The following RLIG1 variants were observed in gnomAD, a reference collection of about 807,000 sequenced individuals.
The protein encoded by RLIG1 is RNA 5'-phosphate and 3'-OH ligase 1.
the RLIG1 span, chr12:88,050,130 A>G: frequency 5.5e-6 from 2 of 366,696 alleles, no homozygotes; most frequent in African/African-American, 4.3e-5. Context: ...TATTTGTTAC[A>G]ATTAAAAAAT....
chr12:88,049,465 T>C, the RLIG1 span: 17 of 956,436 alleles, frequency 1.8e-5, no homozygotes, highest in South Asian at 2.7e-4. Flanking sequence ...ATACATATTT[T>C]ACGTTTGAAC....
chr12:88,047,617 T>TATCA, the RLIG1 span, among the ~76,000 whole-genome samples: 1 of 152,128 alleles, frequency 6.6e-6, no homozygotes, highest in African/African-American at 2.4e-5. Context: ...ATGCTTTAAC[T>TATCA]ATCATATCAC....
the RLIG1 span, chr12:88,035,923 T>C: frequency 6.6e-7 from 1 of 1,514,762 alleles, no homozygotes; most frequent in Non-Finnish European, 8.8e-7. Context: ...CAGGTTCTTG[T>C]ACTTTTCTTA....
the RLIG1 span, among the ~76,000 whole-genome samples, chr12:88,047,691 A>G: frequency 6.6e-6 from 1 of 152,142 alleles, no homozygotes; most frequent in African/African-American, 2.4e-5. Context: ...ATGAATGAGC[A>G]TATTACTTTC....
At chr12:88,039,560 T>C in the RLIG1 span, among the ~76,000 whole-genome samples, 1 of 152,190 alleles carries the variant, frequency 6.6e-6, no homozygotes, top group Non-Finnish European at 1.5e-5. Flanking sequence ...CCTTTTGTTT[T>C]TTTCCTCAGA....
the RLIG1 span, among the ~76,000 whole-genome samples, chr12:88,041,496 C>G: frequency 2.7e-4 from 41 of 152,292 alleles, no homozygotes; most frequent in Middle Eastern, 6.8e-3. Flanking sequence ...AGCCACTATA[C>G]TGTTTTGCAT....
chr12:88,040,823 C>T, the RLIG1 span, among the ~76,000 whole-genome samples: 3 of 151,730 alleles, frequency 2.0e-5, no homozygotes, highest in African/African-American at 7.3e-5. Flanking sequence ...TATTTTTGGA[C>T]GGTGAGATTA....
At chr12:88,049,218 TC>T in the RLIG1 span, 1 of 1,600,204 alleles carries the variant, frequency 6.2e-7, no homozygotes, top group Non-Finnish European at 8.5e-7. Context: ...ACTTTCTTCT[TC>T]ATCTTCAAAC....
chr12:88,040,291 A>G, the RLIG1 span: 2 of 1,212,212 alleles, frequency 1.6e-6, no homozygotes, highest in African/African-American at 3.1e-5. Context: ...AATATTTACT[A>G]CAAATATTAC....
the RLIG1 span, chr12:88,050,142 A>T: frequency 2.6e-6 from 1 of 382,384 alleles, no homozygotes; most frequent in Non-Finnish European, 4.6e-6. Flanking sequence ...TTAAAAAATA[A>T]ATTTACTACT....
chr12:88,042,058 T>C, the RLIG1 span: 1 of 152,164 alleles, frequency 6.6e-6, no homozygotes, highest in Non-Finnish European at 1.5e-5. Context: ...AAGGACTGTC[T>C]CACAGTAAGG....
the RLIG1 span, chr12:88,036,053 T>G: frequency 7.0e-7 from 1 of 1,419,874 alleles, no homozygotes; most frequent in Admixed American, 2.1e-5. Context: ...TCAGCACCTT[T>G]TGGGGAAACC....
the RLIG1 span, chr12:88,036,044 C>T: frequency 7.0e-7 from 1 of 1,434,760 alleles, no homozygotes; most frequent in Non-Finnish European, 9.2e-7. Context: ...CTTTTCAGGT[C>T]AGCACCTTTT....
chr12:88,044,581 A>G, the RLIG1 span: 2 of 152,206 alleles, frequency 1.3e-5, no homozygotes, highest in Non-Finnish European at 2.9e-5. Context: ...AGTATGATTT[A>G]AGAACTAACA....
chr12:88,048,554 C>T, the RLIG1 span: 2 of 613,338 alleles, frequency 3.3e-6, no homozygotes, highest in Admixed American at 8.2e-5. Flanking sequence ...ATGAATTTTC[C>T]AGTTTCAAGT....
chr12:88,045,917 T>G, the RLIG1 span: 3 of 652,290 alleles, frequency 4.6e-6, no homozygotes, highest in Non-Finnish European at 7.7e-6. Context: ...TATATCCATT[T>G]CTGTTAACTT....
At chr12:88,036,731 A>G in the RLIG1 span, among the ~76,000 whole-genome samples, 1 of 152,088 alleles carries the variant, frequency 6.6e-6, no homozygotes, top group Non-Finnish European at 1.5e-5. Flanking sequence ...TGTCCTGCTC[A>G]TTGCACCACC....
chr12:88,037,204 G>C, the RLIG1 span, among the ~76,000 whole-genome samples: 1 of 152,066 alleles, frequency 6.6e-6, no homozygotes, highest in African/African-American at 2.4e-5. Flanking sequence ...ATCACCTCTA[G>C]AGTGTTTTTA....
the RLIG1 span, chr12:88,049,522 T>C: frequency 1.5e-6 from 1 of 655,904 alleles, no homozygotes; most frequent in Non-Finnish European, 2.7e-6. Flanking sequence ...TCCTGAATGG[T>C]CAAATACAGC....
Sources: allele counts gnomAD v4.1 joint callset (sites outside exome capture counted in the v4.1 genomes callset), GRCh38; gene constraint gnomAD v4.1.1; transcripts MANE v1.5; gene names NCBI Gene and HGNC (gene_info 2026-07-23, HGNC 2026-07-21).